NPAS2: variants seen among roughly 807,000 people sequenced by gnomAD.
NPAS2 encodes neuronal PAS domain protein 2.
In NPAS2, 23 loss-of-function variants were observed where a neutral mutation model predicts 107.5. The ratio of observed to expected loss-of-function variants is 0.21; its 90% CI spans 0.15 to 0.30. The LOEUF (loss-of-function observed/expected upper bound fraction) is 0.30, where lower values mean the gene tolerates loss of function less well. Ranked by LOEUF, NPAS2 falls within the 10% of genes least tolerant of loss-of-function variation. The pLI, the probability that NPAS2 is intolerant of heterozygous loss-of-function variation, is 1.00. For synonymous variants in NPAS2, 403 were observed against 417.5 expected (o/e 0.97, Z 0.42); for missense variants, 756 against 1,043.3 (o/e 0.72, Z 3.79).
At chr2:100,875,664 C>T (rs1295523367) in intron 1 of NPAS2, among the ~76,000 whole-genome samples, 1 of 152,178 alleles carries the variant, frequency 6.6e-6, no homozygotes, top group Non-Finnish European at 1.5e-5. Flanking sequence ...CTTTGTAGAC[C>T]GAAGGTCGTT....
intron 1 of NPAS2, among the ~76,000 whole-genome samples, chr2:100,848,115 G>A (rs1677897984): frequency 6.6e-6 from 1 of 152,210 alleles, no homozygotes; most frequent in Non-Finnish European, 1.5e-5. Flanking sequence ...GAGGCCCAGG[G>A]AAGGAGCTTG....
At chr2:100,986,421 G>A (rs774231250) in intron 16 of NPAS2, 3 of 152,200 alleles carry the variant, frequency 2.0e-5, no homozygotes, top group Non-Finnish European at 4.4e-5. Context: ...TCAGCCTGTC[G>A]GTCCTGTACT....
chr2:100,907,560 G>T (rs1275237313), intron 2 of NPAS2, among the ~76,000 whole-genome samples: 1 of 150,812 alleles, frequency 6.6e-6, no homozygotes, highest in African/African-American at 2.4e-5. Context: ...AGTTTTTATA[G>T]CAGTAACATG....
chr2:100,851,666 A>G (rs1194362891), intron 1 of NPAS2, among the ~76,000 whole-genome samples: 1 of 152,252 alleles, frequency 6.6e-6, no homozygotes, highest in Non-Finnish European at 1.5e-5. Context: ...GCGGAAATGC[A>G]TATAATGTTC....
intron 1 of NPAS2, 50 bp from the exon 2 acceptor site, chr2:100,904,683 A>G (rs1468917889): frequency 1.6e-6 from 2 of 1,281,006 alleles, no homozygotes; most frequent in Non-Finnish European, 2.2e-6. Flanking sequence ...AAGATGTAGA[A>G]GCAGACAGTA....
chr2:100,975,805 A>T (rs777785467), intron 14 of NPAS2: 3 of 415,250 alleles, frequency 7.2e-6, no homozygotes, highest in Non-Finnish European at 1.3e-5. Context: ...AGTGAATTTT[A>T]AGGATTAAAG....
intron 4 of NPAS2, among the ~76,000 whole-genome samples, chr2:100,935,587 C>A (rs549891421): frequency 6.6e-6 from 1 of 152,252 alleles, no homozygotes; most frequent in Non-Finnish European, 1.5e-5. Context: ...AGTTATCTCC[C>A]GTCTATAAAT....
intron 11 of NPAS2, 59 bp from the exon 12 acceptor site, chr2:100,970,931 G>A: frequency 6.8e-7 from 1 of 1,463,250 alleles, no homozygotes; most frequent in African/African-American, 1.4e-5. Flanking sequence ...CTGTTCAGGT[G>A]GTGTCATCCC....
At chr2:100,873,307 T>C (rs10779903) in intron 1 of NPAS2, among the ~76,000 whole-genome samples, 9,563 of 41,434 alleles carry the variant, frequency 0.23, 739 homozygotes, top group East Asian at 0.28. Flanking sequence ...TATATATATA[T>C]ACACACACAC....
intron 1 of NPAS2, among the ~76,000 whole-genome samples, chr2:100,860,991 C>G (rs1332711539): frequency 6.6e-6 from 1 of 151,958 alleles, no homozygotes; most frequent in Non-Finnish European, 1.5e-5. Flanking sequence ...AAGCGATCCT[C>G]TCACCTCAGA....
At chr2:100,821,336 T>A (rs1676057465) in intron 1 of NPAS2, 6 of 729,030 alleles carry the variant, frequency 8.2e-6, no homozygotes, top group African/African-American at 1.9e-5. Flanking sequence ...TCCGGGAGGC[T>A]TTAGTACGGA....
At chr2:100,853,974 CAAAAA>C (rs5832937) in intron 1 of NPAS2, among the ~76,000 whole-genome samples, 13 of 116,276 alleles carry the variant, frequency 1.1e-4, no homozygotes, top group Non-Finnish European at 1.4e-4. Flanking sequence ...CAGCCCACGA[CAAAAA>C]AAAAAAAAAA....
chr2:100,974,902 A>T lies in NPAS2; in HGVS notation c.1240A>T (p.Ser414Cys), dbSNP rs1676866468. The change falls in exon 13 of 21, where the codon AGT becomes TGT. Residue 414 changes from serine to cysteine, a missense_variant. Ser to Cys is a moderately radical substitution (Grantham distance 112). Around this residue, in one of 4 missense-constraint regions of NPAS2, gnomAD observed 496 missense variants for 594.4 expected, o/e 0.83. Coordinates refer to ENST00000335681, the MANE Select transcript of NPAS2 (RefSeq NM_002518.4). Reference sequence around the variant, plus strand: ...TCATTCGCCATCGGCGTCCTCAAGAAGTTCCCACAAATCCTCGCACACAGC... The same window carrying T: ...TCATTCGCCATCGGCGTCCTCAAGATGTTCCCACAAATCCTCGCACACAGC... ...TSHSPSASSRSSHKSSHTAMS... is the reference protein window; with the variant it reads ...TSHSPSASSRCSHKSSHTAMS... 3 of 1,613,906 alleles carry T rather than the reference A, an allele frequency of 1.9e-6. No homozygotes were observed. Among genetic ancestry groups the T allele is most frequent in the Admixed American group, 1.7e-5 (1 of 59,984 alleles).
intron 1 of NPAS2, among the ~76,000 whole-genome samples, chr2:100,829,186 G>GTTTTTTTT (rs61069926): frequency 7.1e-6 from 1 of 140,470 alleles, no homozygotes; most frequent in Non-Finnish European, 1.6e-5. Flanking sequence ...GTGTTTTGTT[G>GTTTTTTTT]TTTTTTTTTT....
intron 15 of NPAS2, among the ~76,000 whole-genome samples, chr2:100,980,562 C>T (rs755852578): frequency 3.4e-4 from 51 of 152,020 alleles, no homozygotes; most frequent in Admixed American, 1.1e-3. Context: ...CTCTGCCTCC[C>T]GGATTCAAGC....
rs1676001107 is a variant in NPAS2, at chr2:100,820,305, A to C, written c.-132A>C. 4.4e-5 allele frequency: 6 copies of C among 137,536 alleles called. No individual in the cohort carries two copies. Among genetic ancestry groups the C allele is most frequent in the East Asian group, 2.6e-4 (1 of 3,806 alleles). The allele number at this position is 137,536 out of a possible 1,614,324, so 8.5% of individuals were successfully genotyped here. A position where few individuals can be genotyped will look rare whatever the true frequency, so the allele number is the denominator to read the frequency against. On this transcript the variant is annotated 5_prime_UTR_variant, in exon 1 of 21. Transcript: ENST00000335681. This position sits in a 1 kb window ranked among gnomAD's most constrained non-coding sequence, Gnocchi z 5.6. ...GCAGCGCCTCCCGCCGCCGCCCGGG[A>C]GGAGCTCGCCGCGCCCGCTCGCCGC...
chr2:100,845,365 G>A (rs1677711111), intron 1 of NPAS2, among the ~76,000 whole-genome samples: 2 of 152,198 alleles, frequency 1.3e-5, no homozygotes, highest in Admixed American at 1.3e-4. Flanking sequence ...CTGGCTTCCT[G>A]TACAGGTTGC....
intron 1 of NPAS2, among the ~76,000 whole-genome samples, chr2:100,827,545 C>A (rs72816908): frequency 0.062 from 9,407 of 152,152 alleles, 574 homozygotes; most frequent in African/African-American, 0.16. Flanking sequence ...TGGCTCCCTG[C>A]TCCCTCCAGT....
intron 1 of NPAS2, among the ~76,000 whole-genome samples, chr2:100,844,962 T>A (rs1445291642): frequency 6.6e-6 from 1 of 152,136 alleles, no homozygotes; most frequent in African/African-American, 2.4e-5. Flanking sequence ...GAGCTTGCAC[T>A]AGTGAGGGTG....
Sources: allele counts gnomAD v4.1 joint callset (sites outside exome capture counted in the v4.1 genomes callset), GRCh38; gene constraint gnomAD v4.1.1; regional missense constraint gnomAD v4.1.1; non-coding constraint Gnocchi (gnomAD v3.1); transcripts MANE v1.5; gene names NCBI Gene and HGNC (gene_info 2026-07-23, HGNC 2026-07-21).